Variants in ARID4A observed in about 807,000 individuals in gnomAD.
The protein encoded by ARID4A is AT-rich interaction domain 4A.
ARID4A carries 39 observed loss-of-function variants against 148.6 expected under a neutral mutation model. The observed-to-expected ratio is 0.26, with a 90% CI of 0.20 to 0.34. The LOEUF (loss-of-function observed/expected upper bound fraction) is 0.34. Ranked by LOEUF, ARID4A falls within the 10% of genes least tolerant of loss-of-function variation. ARID4A has a pLI of 1.00. For missense variants in ARID4A, 1,265 were observed against 1,449.1 expected, an observed-to-expected ratio of 0.87 and a Z score of 2.06; for synonymous variants, 475 against 481.2, an observed-to-expected ratio of 0.99 and a Z score of 0.17.
intron 19 of ARID4A, among the ~76,000 whole-genome samples, chr14:58,362,405 A>G (rs2140265223): frequency 6.6e-6 from 1 of 152,224 alleles, no homozygotes; most frequent in Middle Eastern, 3.4e-3. Context: ...CCAGGGCAAC[A>G]TAGTGAGACC....
intron 11 of ARID4A, among the ~76,000 whole-genome samples, chr14:58,341,446 C>G (rs988948422): frequency 6.6e-6 from 1 of 152,230 alleles, no homozygotes; most frequent in Non-Finnish European, 1.5e-5. Context: ...ACTACCACTG[C>G]CAGTTCATCT....
At chr14:58,315,862 CTG>C (rs1256162425) in intron 5 of ARID4A, among the ~76,000 whole-genome samples, 2 of 152,186 alleles carry the variant, frequency 1.3e-5, no homozygotes, top group Admixed American at 1.3e-4. Flanking sequence ...GGATCATTGA[CTG>C]TGTATAGCAC....
chr14:58,307,789 C>G (rs770197623), intron 5 of ARID4A, among the ~76,000 whole-genome samples: 2 of 152,172 alleles, frequency 1.3e-5, no homozygotes, highest in African/African-American at 2.4e-5. Flanking sequence ...CATTGCACTC[C>G]AGCCTGGGCA....
chr14:58,301,726 C>A, intron 3 of ARID4A, 36 bp downstream of exon 3: 2 of 1,521,692 alleles, frequency 1.3e-6, no homozygotes, highest in Non-Finnish European at 1.8e-6. Context: ...TTTATTAACT[C>A]TAGATTGAAG....
At chr14:58,345,079 A>G (rs948090558) in intron 12 of ARID4A, among the ~76,000 whole-genome samples, 1 of 151,844 alleles carries the variant, frequency 6.6e-6, no homozygotes, top group Admixed American at 6.6e-5. Context: ...GGGTTTTGCC[A>G]TATTGCCGAG....
intron 5 of ARID4A, among the ~76,000 whole-genome samples, chr14:58,311,942 G>A (rs1455378720): frequency 1.4e-5 from 2 of 146,900 alleles, no homozygotes; most frequent in African/African-American, 5.0e-5. Context: ...TGGGCGGGGG[G>A]TGAGGGATTA....
In ARID4A at chr14:58,364,945, C is replaced by T. The variant is rs1322829485; in HGVS notation, c.2856C>T (p.Ile952=). ...AAGATGAGGATGCAATGCCTCTGAT[C>T]GGGCCTGAAACCTTGGTTTGCCATG... ...LKEDEDAMPL[I]GPETLVCHEV... The change falls in exon 20 of 24, where the codon ATC becomes ATT. Residue 952 remains isoleucine, a synonymous_variant. Transcript: ENST00000355431. 7 of 1,613,976 alleles carry T rather than the reference C, an allele frequency of 4.3e-6. No individual in the cohort carries two copies. In the East Asian group the frequency reaches 8.9e-5, roughly 21 times the overall value.
chr14:58,307,856 A>C (rs1344094335), intron 5 of ARID4A, among the ~76,000 whole-genome samples: 1 of 152,240 alleles, frequency 6.6e-6, no homozygotes, highest in African/African-American at 2.4e-5. Flanking sequence ...GTTAACTCTT[A>C]GAGATTAAGT....
At chr14:58,303,158 T>A (rs947316262) in intron 3 of ARID4A, among the ~76,000 whole-genome samples, 4 of 152,196 alleles carry the variant, frequency 2.6e-5, no homozygotes, top group African/African-American at 9.7e-5. Flanking sequence ...CCTTAAAAAA[T>A]TTTATTTAAG....
At chr14:58,331,036 T>G (rs2033487936) in intron 11 of ARID4A, among the ~76,000 whole-genome samples, 1 of 152,238 alleles carries the variant, frequency 6.6e-6, no homozygotes. Flanking sequence ...AATGTGGGAT[T>G]CTTGTTTCTG....
At chr14:58,320,034 G>T (rs575933922) in intron 7 of ARID4A, among the ~76,000 whole-genome samples, 1 of 141,960 alleles carries the variant, frequency 7.0e-6, no homozygotes, top group East Asian at 2.1e-4. Context: ...TGCAGCCTCT[G>T]CCTCCCAGGT....
intron 22 of ARID4A, 36 bp from the exon 23 acceptor site, chr14:58,366,847 T>A (rs912292526): frequency 7.0e-7 from 1 of 1,434,090 alleles, no homozygotes; most frequent in African/African-American, 1.5e-5. Context: ...ACAGAATTAT[T>A]TTAAAATCCA....
At chr14:58,302,533 C>T (rs903512413) in intron 3 of ARID4A, among the ~76,000 whole-genome samples, 105 of 152,044 alleles carry the variant, frequency 6.9e-4, no homozygotes, top group African/African-American at 2.5e-3. Flanking sequence ...TGGTGCACAC[C>T]TGTAGTCCCA....
At chr14:58,324,885 C>CTT (rs1009128022) in intron 8 of ARID4A, among the ~76,000 whole-genome samples, 2 of 152,038 alleles carry the variant, frequency 1.3e-5, no homozygotes, top group Admixed American at 6.6e-5. Flanking sequence ...AAATACGAGG[C>CTT]TTTAATGTAT....
At chr14:58,353,596 T>G (rs914009455) in intron 16 of ARID4A, 62 bp from the exon 17 acceptor site, 13 of 1,432,536 alleles carry the variant, frequency 9.1e-6, no homozygotes, top group East Asian at 4.6e-5. Flanking sequence ...TTGGATTCTT[T>G]TAGCATATTT....
chr14:58,356,427 A>G (rs1229414597), intron 17 of ARID4A, among the ~76,000 whole-genome samples: 1 of 152,186 alleles, frequency 6.6e-6, no homozygotes. Context: ...ATACTTCCTG[A>G]TACAGTGCAT....
At chr14:58,310,530 C>G (rs979619847) in intron 5 of ARID4A, among the ~76,000 whole-genome samples, 6 of 152,144 alleles carry the variant, frequency 3.9e-5, no homozygotes, top group Non-Finnish European at 7.3e-5. Context: ...AAAGGACAGT[C>G]TCTTCGTAAA....
At chr14:58,310,972 A>G (rs1388185733) in intron 5 of ARID4A, among the ~76,000 whole-genome samples, 3 of 152,098 alleles carry the variant, frequency 2.0e-5, no homozygotes, top group South Asian at 2.1e-4. Flanking sequence ...AAGGCTGGGC[A>G]CGGTGGCTCA....
At position 58,372,290 on chromosome 14, in the gene ARID4A, A is replaced by G. The variant is rs192517499; in HGVS notation, c.*301A>G. 1.3e-5 allele frequency: 4 copies of G among 317,698 alleles called. No homozygotes were observed. Among genetic ancestry groups the G allele is most frequent in the African/African-American group, 8.5e-5 (4 of 47,070 alleles). The allele number at this position is 317,698 out of a possible 1,614,324, so 19.7% of individuals were successfully genotyped here. On this transcript the variant is annotated 3_prime_UTR_variant, in exon 24 of 24. Coordinates refer to ENST00000355431, the MANE Select transcript of ARID4A (RefSeq NM_002892.4). Reference sequence around the variant, plus strand: ...CACTTAGCAAATTTGAATTTGTATAATAAAGCTTTCAGGTGTTACAGAAAT... The same window carrying G: ...CACTTAGCAAATTTGAATTTGTATAGTAAAGCTTTCAGGTGTTACAGAAAT...
Sources: gnomAD v4.1 joint callset for allele counts (sites outside exome capture counted in the v4.1 genomes callset) on GRCh38, gnomAD v4.1.1 for gene constraint, MANE v1.5 for transcripts, NCBI Gene and HGNC (gene_info 2026-07-23, HGNC 2026-07-21) for gene names.